ITFG1: variants seen among roughly 807,000 people sequenced by gnomAD.
The protein encoded by ITFG1 is T-cell immunomodulatory protein.
In ITFG1, 34 loss-of-function variants were observed where a neutral mutation model predicts 81.8. The observed-to-expected ratio is 0.42, with a 90% CI of 0.32 to 0.55. The LOEUF (loss-of-function observed/expected upper bound fraction) is 0.55, where lower values mean the gene tolerates loss of function less well. Ranked by LOEUF, ITFG1 falls within the 20% of genes least tolerant of loss-of-function variation. The pLI is 0.17. For synonymous variants in ITFG1, 285 were observed against 270.6 expected (o/e 1.05, Z -0.52); for missense variants, 672 against 755.4 (o/e 0.89, Z 1.29).
intron 14 of ITFG1, among the ~76,000 whole-genome samples, chr16:47,213,289 AT>A (rs1193316499): frequency 6.6e-6 from 1 of 152,122 alleles, no homozygotes; most frequent in Non-Finnish European, 1.5e-5. Context: ...ACTTGTTTAA[AT>A]TTTTTGAGGT....
chr16:47,173,178 C>T (rs906321735), intron 14 of ITFG1, among the ~76,000 whole-genome samples: 1 of 152,144 alleles, frequency 6.6e-6, no homozygotes, highest in African/African-American at 2.4e-5. Context: ...CAATCAAAGA[C>T]CCTCTTGCCC....
intron 10 of ITFG1, among the ~76,000 whole-genome samples, chr16:47,282,526 G>A (rs1386906047): frequency 6.6e-6 from 1 of 152,004 alleles, no homozygotes; most frequent in Non-Finnish European, 1.5e-5. Context: ...CCATAGCTTT[G>A]CTACTATGAA....
chr16:47,237,654 C>T (rs1282398832), intron 13 of ITFG1, among the ~76,000 whole-genome samples: 2 of 152,186 alleles, frequency 1.3e-5, no homozygotes, highest in East Asian at 1.9e-4. Flanking sequence ...GTTACAGTCT[C>T]GTGTGGAGAG....
At chr16:47,447,892 C>T (rs761723050) in intron 5 of ITFG1, among the ~76,000 whole-genome samples, 5 of 152,078 alleles carry the variant, frequency 3.3e-5, no homozygotes, top group South Asian at 2.1e-4. Context: ...ACTGATGTAA[C>T]GTTTCCATGG....
At chr16:47,378,691 A>G (rs1410601820) in intron 6 of ITFG1, among the ~76,000 whole-genome samples, 2 of 152,180 alleles carry the variant, frequency 1.3e-5, no homozygotes, top group Non-Finnish European at 2.9e-5. Flanking sequence ...AAAATATATC[A>G]TCTTACTATT....
At chr16:47,315,830 G>C (rs1232905909) in intron 8 of ITFG1, among the ~76,000 whole-genome samples, 1 of 146,442 alleles carries the variant, frequency 6.8e-6, no homozygotes, top group African/African-American at 2.7e-5. Flanking sequence ...TTGCTCTGCC[G>C]CTCAGGCTGG....
intron 6 of ITFG1, among the ~76,000 whole-genome samples, chr16:47,406,164 G>C (rs1968726600): frequency 1.3e-5 from 2 of 152,284 alleles, no homozygotes; most frequent in Middle Eastern, 3.4e-3. Context: ...AGCAGAATTT[G>C]AATCAGTTCA....
At chr16:47,443,275 T>G (rs1008157478) in intron 5 of ITFG1, among the ~76,000 whole-genome samples, 29 of 152,200 alleles carry the variant, frequency 1.9e-4, no homozygotes, top group Admixed American at 1.4e-3. Context: ...TGTGGAGAAA[T>G]AGGAACACTT....
intron 6 of ITFG1, among the ~76,000 whole-genome samples, chr16:47,394,509 C>T (rs1209789670): frequency 2.0e-5 from 3 of 152,068 alleles, no homozygotes; most frequent in African/African-American, 7.2e-5. Flanking sequence ...CACAAACACA[C>T]ACTGTCTTTG....
intron 14 of ITFG1, among the ~76,000 whole-genome samples, chr16:47,192,507 TA>T (rs1424387557): frequency 6.6e-6 from 1 of 152,194 alleles, no homozygotes; most frequent in African/African-American, 2.4e-5. Flanking sequence ...TATTATTATA[TA>T]GCAGACTGAT....
intron 5 of ITFG1, among the ~76,000 whole-genome samples, chr16:47,445,220 A>C (rs1969308863): frequency 7.1e-6 from 1 of 140,408 alleles, no homozygotes; most frequent in African/African-American, 2.7e-5. Flanking sequence ...TAATCCCAGC[A>C]CTTTGGGAGA....
chr16:47,224,465 A>C (rs1482488258), intron 13 of ITFG1, among the ~76,000 whole-genome samples: 1 of 152,168 alleles, frequency 6.6e-6, no homozygotes, highest in African/African-American at 2.4e-5. Context: ...CTTTTAAGGA[A>C]ATCTCTGGCC....
Position 47,226,641 on chromosome 16 carries a change from C to A in ITFG1, c.1375-7695G>T, listed in dbSNP as rs145885926. On this transcript the variant is annotated intron_variant, in intron 13 of 17. Transcript: ENST00000320640. ...TGCGGTGTTTGGTTTTTTCTCCTTG[C>A]GACAGTTCGCTGAGAATGATGGTTT... Among the ~76,000 whole-genome samples, 7 of 150,660 alleles carry A rather than the reference C, an allele frequency of 4.6e-5. No individual in the cohort carries two copies. The South Asian group carries it at 1.3e-3, about 27-fold the overall frequency.
At chr16:47,218,975 C>T (rs1384186767) in intron 13 of ITFG1, 29 bp from the exon 14 acceptor site, 2 of 1,471,490 alleles carry the variant, frequency 1.4e-6, no homozygotes, top group Non-Finnish European at 1.9e-6. Flanking sequence ...ATAGTTAAGG[C>T]TTGGAAAATA....
At chr16:47,374,887 AG>A (rs1271725861) in intron 7 of ITFG1, among the ~76,000 whole-genome samples, 1 of 152,188 alleles carries the variant, frequency 6.6e-6, no homozygotes, top group African/African-American at 2.4e-5. Flanking sequence ...AGTCATGACC[AG>A]CATCACTTAC....
intron 8 of ITFG1, among the ~76,000 whole-genome samples, chr16:47,354,438 A>G (rs201718922): frequency 6.6e-6 from 1 of 152,112 alleles, no homozygotes; most frequent in Non-Finnish European, 1.5e-5. Flanking sequence ...AAGACTTAGA[A>G]CTCTGAAACT....
chr16:47,348,686 T>A (rs1313569870), intron 8 of ITFG1, among the ~76,000 whole-genome samples: 1 of 152,020 alleles, frequency 6.6e-6, no homozygotes, highest in Non-Finnish European at 1.5e-5. Context: ...CAGGCCAACA[T>A]TCAAATTCAG....
intron 17 of ITFG1, among the ~76,000 whole-genome samples, chr16:47,157,028 G>A (rs1964722111): frequency 1.3e-5 from 2 of 152,286 alleles, no homozygotes; most frequent in South Asian, 4.2e-4. Context: ...GTAAGAAGGG[G>A]CAGTGCAGTA....
chr16:47,218,846 T>C (rs1965657517), intron 14 of ITFG1, 22 bp downstream of exon 14: 4 of 1,459,334 alleles, frequency 2.7e-6, no homozygotes, highest in African/African-American at 1.4e-5. Flanking sequence ...TTATACATTA[T>C]GGACAATGTA....
Sources: allele counts gnomAD v4.1 joint callset (sites outside exome capture counted in the v4.1 genomes callset), GRCh38; gene constraint gnomAD v4.1.1; transcripts MANE v1.5; gene names NCBI Gene and HGNC (gene_info 2026-07-23, HGNC 2026-07-21).